The following AFAP1 variants were observed in gnomAD, a reference collection of about 807,000 sequenced individuals.
AFAP1 encodes the protein actin filament associated protein 1.
Under a neutral mutation model 93.9 loss-of-function variants are expected in AFAP1, and 75 were observed. The observed-to-expected ratio is 0.80, with a 90% CI of 0.66 to 0.97. The LOEUF is 0.97. Among genes scored for constraint, AFAP1 ranks in the 50% least tolerant of loss-of-function variants. The pLI, the probability that AFAP1 is intolerant of heterozygous loss-of-function variation, is 0.00. For missense variants in AFAP1, 1,201 were observed against 1,050.8 expected (o/e 1.14, Z -1.98); for synonymous variants, 517 against 430.7 (o/e 1.20, Z -2.48).
intron 1 of AFAP1, among the ~76,000 whole-genome samples, chr4:7,889,893 AAG>A (rs1345963165): frequency 2.0e-5 from 3 of 151,700 alleles, no homozygotes; most frequent in African/African-American, 7.3e-5. Context: ...CATAAATAAA[AAG>A]AGAGATACTA....
chr4:7,820,356 C>T (rs997808131), intron 6 of AFAP1, among the ~76,000 whole-genome samples: 1 of 152,182 alleles, frequency 6.6e-6, no homozygotes, highest in Non-Finnish European at 1.5e-5. Context: ...TAGAAATAAA[C>T]TGGGAGCCAC....
At chr4:7,784,703 G>A (rs1038945505) in intron 12 of AFAP1, among the ~76,000 whole-genome samples, 1 of 152,122 alleles carries the variant, frequency 6.6e-6, no homozygotes, top group Non-Finnish European at 1.5e-5. Flanking sequence ...GACACACTGC[G>A]TCCATCGTGG....
chr4:7,852,625 C>T (rs150709693), intron 4 of AFAP1, among the ~76,000 whole-genome samples: 35 of 152,208 alleles, frequency 2.3e-4, no homozygotes, highest in African/African-American at 7.9e-4. Context: ...CTGAATCACC[C>T]ACCAAGAAAA....
intron 1 of AFAP1, among the ~76,000 whole-genome samples, chr4:7,888,204 C>T (rs1237043935): frequency 6.6e-6 from 1 of 152,244 alleles, no homozygotes; most frequent in Non-Finnish European, 1.5e-5. Context: ...GAAATTGTGA[C>T]ATTTTAGAAA....
rs974655914 is a variant in AFAP1, at chr4:7,760,048, A to C, written c.*3717T>G. On this transcript the variant is annotated 3_prime_UTR_variant, in exon 18 of 18. Transcript: ENST00000420658. Reference sequence around the variant, plus strand: ...TTGGAAAGGGAAGGTGTGGCCACAAACAGGGGAGCTTTGCTCACAACCCTA... The same window carrying C: ...TTGGAAAGGGAAGGTGTGGCCACAACCAGGGGAGCTTTGCTCACAACCCTA... The C allele has an allele frequency of 6.6e-6, 1 of 152,208 alleles. No homozygotes were observed. Among genetic ancestry groups the C allele is most frequent in the Non-Finnish European group, 1.5e-5 (1 of 68,030 alleles). 9.4% of individuals were successfully genotyped at this position (152,208 alleles called of 1,614,324 possible). A position where few individuals can be genotyped will look rare whatever the true frequency, so the allele number is the denominator to read the frequency against.
intron 11 of AFAP1, among the ~76,000 whole-genome samples, chr4:7,792,884 T>C (rs1433374493): frequency 2.0e-5 from 3 of 152,228 alleles, no homozygotes; most frequent in African/African-American, 2.4e-5. Flanking sequence ...ACTATTTACA[T>C]TGGCAGTGAC....
At chr4:7,812,012 C>T (rs929324000) in intron 8 of AFAP1, among the ~76,000 whole-genome samples, 3 of 149,792 alleles carry the variant, frequency 2.0e-5, no homozygotes, top group Non-Finnish European at 3.0e-5. Context: ...GACTGGCTTT[C>T]GATCCCTAAG....
intron 3 of AFAP1, among the ~76,000 whole-genome samples, chr4:7,863,784 G>C (rs943880599): frequency 1.3e-5 from 2 of 152,180 alleles, no homozygotes; most frequent in African/African-American, 2.4e-5. Context: ...ATTTGTTAAA[G>C]AGTTTATAAT....
intron 1 of AFAP1, among the ~76,000 whole-genome samples, chr4:7,885,455 C>T (rs1560219684): frequency 6.6e-6 from 1 of 152,160 alleles, no homozygotes. Flanking sequence ...GCGTCTCCCC[C>T]GCCTCAGGCC....
rs528421358 is a variant in AFAP1 at position 7,878,441 on chromosome 4, C to T, written c.-2-6361G>A. On this transcript the variant is annotated intron_variant, in intron 1 of 17. Coordinates refer to ENST00000420658, the MANE Select transcript of AFAP1 (RefSeq NM_001134647.2). ...ACCTCAGACTTATCTTCACCATCCA[C>T]CTTTCCACTGCCCGACACAGGCTCT... is the stretch of plus-strand genomic sequence containing the variant. Among the ~76,000 whole-genome samples the T allele has an allele frequency of 5.9e-4, 90 of 152,234 alleles. 1 individual carries two copies. The highest frequency in any genetic ancestry group is 9.2e-4 in the Admixed American group (14 of 15,286).
At chr4:7,892,305 G>GC (rs1040413244) in intron 1 of AFAP1, among the ~76,000 whole-genome samples, 9 of 152,152 alleles carry the variant, frequency 5.9e-5, no homozygotes, top group African/African-American at 1.9e-4. Flanking sequence ...GCTGCCAACT[G>GC]CCCCATCAGA....
chr4:7,922,042 G>A (rs1720467604), intron 1 of AFAP1, among the ~76,000 whole-genome samples: 1 of 152,160 alleles, frequency 6.6e-6, no homozygotes, highest in Non-Finnish European at 1.5e-5. Context: ...AGAATCGCTT[G>A]AACCCAGGAA....
At chr4:7,919,877 T>C (rs975589474) in intron 1 of AFAP1, among the ~76,000 whole-genome samples, 4 of 152,016 alleles carry the variant, frequency 2.6e-5, no homozygotes, top group Admixed American at 1.3e-4. Flanking sequence ...CTCCCACTTA[T>C]AAGTAAGAAC....
At chr4:7,823,630 C>T (rs1276062193) in intron 6 of AFAP1, among the ~76,000 whole-genome samples, 1 of 152,210 alleles carries the variant, frequency 6.6e-6, no homozygotes, top group Non-Finnish European at 1.5e-5. Flanking sequence ...TGCCCAGCAT[C>T]AAAGCACCTC....
chr4:7,806,548 G>A lies in AFAP1; in HGVS notation c.1054+3066C>T, dbSNP rs560178315. On this transcript the variant is annotated intron_variant, in intron 9 of 17. Transcript: ENST00000420658. ...CTCGGCCCTTCATCTCCCTGGAACA[G>A]AGAGCAGCAGCTGCGGAGACTCAAC... Among the ~76,000 whole-genome samples the A allele has an allele frequency of 2.2e-4, 33 of 152,348 alleles. No individual in the cohort carries two copies. The South Asian group carries it at 6.4e-3, about 30-fold the overall frequency.
chr4:7,781,451 G>T lies in AFAP1; in HGVS notation c.1707C>A (p.Tyr569Ter), dbSNP rs1260423448. 11 of 1,552,026 alleles carry T rather than the reference G, an allele frequency of 7.1e-6. No individual in the cohort carries two copies. The highest frequency in any genetic ancestry group is 1.4e-5 in the African/African-American group (1 of 73,036). The change falls in exon 13 of 18, where the codon TAC (tyrosine) becomes TAA (stop). Residue 569 changes from tyrosine to a stop codon, truncating the protein, a stop_gained. Coordinates refer to ENST00000420658, the MANE Select transcript of AFAP1 (RefSeq NM_001134647.2). LOFTEE classifies it high-confidence loss of function. ...LSADKLSSNH[Y>*]KYPASAQSVT... Reference sequence around the variant, plus strand: ...CAGACTGAGCGGAGGCAGGGTATTTGTAATGGTTAGAGGACAGCTTGTCAG... The same window carrying T: ...CAGACTGAGCGGAGGCAGGGTATTTTTAATGGTTAGAGGACAGCTTGTCAG...
chr4:7,834,923 G>T (rs1286468778), intron 6 of AFAP1, among the ~76,000 whole-genome samples: 1 of 150,832 alleles, frequency 6.6e-6, no homozygotes, highest in African/African-American at 2.4e-5. Flanking sequence ...CAGCCTTAAG[G>T]TTACCTGGGT....
At chr4:7,820,656 G>T (rs143025292) in intron 6 of AFAP1, among the ~76,000 whole-genome samples, 1 of 152,190 alleles carries the variant, frequency 6.6e-6, no homozygotes, top group East Asian at 1.9e-4. Context: ...GAGAGACTAG[G>T]AGTGGGGGAG....
At chr4:7,790,444 C>T (rs1288573917) in intron 11 of AFAP1, among the ~76,000 whole-genome samples, 2 of 152,154 alleles carry the variant, frequency 1.3e-5, no homozygotes, top group African/African-American at 4.8e-5. Context: ...AAAGTAAAAG[C>T]CAAGCTGTAT....
Sources: allele counts gnomAD v4.1 joint callset (sites outside exome capture counted in the v4.1 genomes callset), GRCh38; gene constraint gnomAD v4.1.1; transcripts MANE v1.5; gene names NCBI Gene and HGNC (gene_info 2026-07-23, HGNC 2026-07-21).